The following GLMN variants were observed in gnomAD, a reference collection of about 807,000 sequenced individuals.
GLMN encodes the protein glomulin.
Under a neutral mutation model 87.8 loss-of-function variants are expected in GLMN, and 75 were observed. That is an observed-to-expected ratio of 0.85 (90% CI 0.71 to 1.04). GLMN has a LOEUF of 1.04. Among genes scored for constraint, GLMN ranks in the 50% least tolerant of loss-of-function variants. The pLI is 0.00. For synonymous variants in GLMN, 206 were observed against 221.6 expected, an observed-to-expected ratio of 0.93 and a Z score of 0.63; for missense variants, 588 against 658.8, an observed-to-expected ratio of 0.89 and a Z score of 1.18.
rs566636400 is a variant in GLMN, at chr1:92,287,406, T to A, written c.633-814A>T. On this transcript the variant is annotated intron_variant, in intron 6 of 18. Transcript: ENST00000370360. ...CCCAGGCTGGAGTACAGTGGCACAA[T>A]AATAGTGCACTGTAACCTCAAACTC... Among the ~76,000 whole-genome samples the A allele has an allele frequency of 4.6e-5, 7 of 152,208 alleles. No homozygotes were observed. The East Asian group carries it at 7.7e-4, about 17-fold the overall frequency.
intron 7 of GLMN, among the ~76,000 whole-genome samples, chr1:92,284,827 C>A (rs1484521119): frequency 6.6e-6 from 1 of 152,044 alleles, no homozygotes; most frequent in Non-Finnish European, 1.5e-5. Context: ...AGACACTTCT[C>A]AAAAGAAGAC....
At chr1:92,265,139 C>T (rs1456465629) in intron 13 of GLMN, among the ~76,000 whole-genome samples, 1 of 152,184 alleles carries the variant, frequency 6.6e-6, no homozygotes, top group African/African-American at 2.4e-5. Flanking sequence ...CCACACCCGG[C>T]CGGTAAATAC....
chr1:92,254,905 C>A (rs1043509281), intron 16 of GLMN, among the ~76,000 whole-genome samples: 1 of 152,022 alleles, frequency 6.6e-6, no homozygotes, highest in Non-Finnish European at 1.5e-5. Context: ...TCACAGATAA[C>A]GATATTAACT....
chr1:92,291,657 C>A, intron 3 of GLMN, 120 bp from the exon 4 acceptor site: 1 of 950,640 alleles, frequency 1.1e-6, no homozygotes, highest in Non-Finnish European at 1.7e-6. Flanking sequence ...ACAAGTGAAG[C>A]CTATGACATT....
the GLMN span, among the ~76,000 whole-genome samples, chr1:92,314,484 C>T: frequency 6.6e-6 from 1 of 152,106 alleles, no homozygotes; most frequent in East Asian, 1.9e-4. Context: ...GACACAGAGG[C>T]TAACACCAGT....
chr1:92,295,083 G>C (rs1248195995), intron 3 of GLMN, among the ~76,000 whole-genome samples: 2 of 152,208 alleles, frequency 1.3e-5, no homozygotes, highest in Non-Finnish European at 2.9e-5. Flanking sequence ...AGCCTCACAT[G>C]TTTAAATCTA....
the GLMN span, among the ~76,000 whole-genome samples, chr1:92,330,671 C>T: frequency 6.6e-6 from 1 of 151,918 alleles, no homozygotes; most frequent in Non-Finnish European, 1.5e-5. Context: ...AGGTTGGTCT[C>T]GAACTCGTGA....
At chr1:92,283,397 A>G (rs3131813) in intron 7 of GLMN, among the ~76,000 whole-genome samples, 1 of 152,012 alleles carries the variant, frequency 6.6e-6, no homozygotes, top group Non-Finnish European at 1.5e-5. Flanking sequence ...GATGCAGAAA[A>G]GGCCTTGGAT....
the GLMN span, chr1:92,323,636 G>T: frequency 1.2e-6 from 2 of 1,613,870 alleles, no homozygotes; most frequent in South Asian, 1.1e-5. Flanking sequence ...ACAAATATTA[G>T]ACCACAGCTG....
chr1:92,290,219 AAAG>A lies in GLMN; in HGVS notation c.370_372del (p.Leu126del), dbSNP rs747540662. On this transcript the variant is annotated inframe_deletion, in exon 5 of 19. Transcript: ENST00000370360. ...TTACCTGTTTGTAATGGCTGAAGCA[AAAG>A]AAGAATACTTTGGGATATCTGTTTT... 3.4e-5 allele frequency: 54 copies of A among 1,600,120 alleles called. No individual in the cohort carries two copies. Among genetic ancestry groups the A allele is most frequent in the Non-Finnish European group, 4.3e-5 (50 of 1,167,516 alleles).
chr1:92,309,584 TACAC>T, the GLMN span, among the ~76,000 whole-genome samples: 2 of 7,264 alleles, frequency 2.8e-4, no homozygotes, highest in South Asian at 0.016. Flanking sequence ...TACATATACA[TACAC>T]ATACACATAC....
the GLMN span, among the ~76,000 whole-genome samples, chr1:92,318,293 C>T: frequency 1.3e-5 from 2 of 152,152 alleles, no homozygotes; most frequent in Non-Finnish European, 2.9e-5. Flanking sequence ...ATTCAGTCCT[C>T]TTAGCATCCC....
At chr1:92,294,909 C>T (rs1049635604) in intron 3 of GLMN, among the ~76,000 whole-genome samples, 3 of 152,182 alleles carry the variant, frequency 2.0e-5, no homozygotes, top group Non-Finnish European at 2.9e-5. Context: ...GAACTCCTGA[C>T]CTTAGGTGAT....
the GLMN span, among the ~76,000 whole-genome samples, chr1:92,314,981 G>A: frequency 6.6e-6 from 1 of 152,270 alleles, no homozygotes; most frequent in African/African-American, 2.4e-5. Flanking sequence ...AGAGGCAGAG[G>A]TTGCAGTGAA....
intron 7 of GLMN, among the ~76,000 whole-genome samples, chr1:92,282,936 G>A (rs2100998450): frequency 6.6e-6 from 1 of 152,268 alleles, no homozygotes; most frequent in Non-Finnish European, 1.5e-5. Context: ...AAAAGAAGTT[G>A]AATCTCTGAA....
chr1:92,280,101 G>A (rs572152447), intron 7 of GLMN, among the ~76,000 whole-genome samples: 1 of 152,364 alleles, frequency 6.6e-6, no homozygotes, highest in South Asian at 2.1e-4. Context: ...GCTCTGAAGA[G>A]AGCAGTGGTT....
At chr1:92,254,371 C>T (rs1051194791) in intron 16 of GLMN, among the ~76,000 whole-genome samples, 9 of 152,274 alleles carry the variant, frequency 5.9e-5, no homozygotes, top group South Asian at 4.2e-4. Context: ...GAGAACTTCC[C>T]AACCTAGGAA....
intron 3 of GLMN, among the ~76,000 whole-genome samples, chr1:92,294,438 T>C (rs1649793589): frequency 6.6e-6 from 1 of 152,166 alleles, no homozygotes; most frequent in African/African-American, 2.4e-5. Context: ...TACCAAACAC[T>C]ATATATAAAT....
intron 7 of GLMN, among the ~76,000 whole-genome samples, chr1:92,283,092 A>C (rs1014023033): frequency 1.3e-5 from 2 of 152,186 alleles, no homozygotes; most frequent in African/African-American, 4.8e-5. Context: ...ATTCCAATCA[A>C]TAGAAAAAGA....
Sources: gnomAD v4.1 joint callset for allele counts (sites outside exome capture counted in the v4.1 genomes callset) on GRCh38, gnomAD v4.1.1 for gene constraint, MANE v1.5 for transcripts, NCBI Gene and HGNC (gene_info 2026-07-23, HGNC 2026-07-21) for gene names.